NAB1: variants seen among roughly 807,000 people sequenced by gnomAD.
The protein encoded by NAB1 is NGFI-A-binding protein 1.
In NAB1, 25 loss-of-function variants were observed where a neutral mutation model predicts 49.9. That is an observed-to-expected ratio of 0.50 (90% CI 0.37 to 0.70). The LOEUF is 0.70. Ranked by LOEUF, NAB1 falls within the 30% of genes least tolerant of loss-of-function variation. The pLI is 0.00. For missense variants in NAB1, 489 were observed against 575.9 expected (o/e 0.85, Z 1.54); for synonymous variants, 198 against 215.6 (o/e 0.92, Z 0.71).
Position 190,679,076 on chromosome 2 carries a change from CTG to C in NAB1, c.1006-4659_1006-4658del, listed in dbSNP as rs937269486. On this transcript the variant is annotated intron_variant, in intron 6 of 9. Coordinates refer to ENST00000337386, the MANE Select transcript of NAB1 (RefSeq NM_005966.4). This position sits in a 1 kb window ranked among gnomAD's most constrained non-coding sequence, Gnocchi z 5.3. ...CCAGAGTCTCGTCAGCAAGGAAACA[CTG>C]TGATTAATGGCATCAGCCAAAAATA... Among the ~76,000 whole-genome samples, 2 of 152,232 alleles carry C rather than the reference CTG, an allele frequency of 1.3e-5. No homozygotes were observed. Among genetic ancestry groups the C allele is most frequent in the Non-Finnish European group, 2.9e-5 (2 of 68,040 alleles).
At chr2:190,688,412 T>G (rs1695728820) in intron 9 of NAB1, among the ~76,000 whole-genome samples, 1 of 152,242 alleles carries the variant, frequency 6.6e-6, no homozygotes, top group African/African-American at 2.4e-5. Flanking sequence ...GTACTGTGAC[T>G]TTAAAGCATG....
At chr2:190,688,591 T>G (rs1024935737) in intron 9 of NAB1, among the ~76,000 whole-genome samples, 2 of 152,214 alleles carry the variant, frequency 1.3e-5, no homozygotes, top group African/African-American at 4.8e-5. Flanking sequence ...CCAATTTATA[T>G]TCCTTAGAAG....
chr2:190,672,010 G>A lies in NAB1; in HGVS notation c.954-1091G>A, dbSNP rs1694839358. ...AGGATGGTCTCGATCTCTTGACCTT[G>A]TAATCCACCCACCTTGGCCTCCCAA... is the stretch of plus-strand genomic sequence containing the variant. On this transcript the variant is annotated intron_variant, in intron 5 of 9. Coordinates refer to ENST00000337386, the MANE Select transcript of NAB1 (RefSeq NM_005966.4). Among the ~76,000 whole-genome samples, 9 of 152,112 alleles carry A rather than the reference G, an allele frequency of 5.9e-5. No individual in the cohort carries two copies. In the South Asian group the frequency reaches 1.9e-3, roughly 32 times the overall value.
rs1695594332 is a variant in NAB1 at position 190,686,126 on chromosome 2, A to G, written c.1258+488A>G. Among the ~76,000 whole-genome samples the G allele has an allele frequency of 6.6e-6, 1 of 152,236 alleles. No homozygotes were observed. Among genetic ancestry groups the G allele is most frequent in the South Asian group, 2.1e-4 (1 of 4,836 alleles). ...GATTCGTGAGTGTTTTTACCATTCT[A>G]AAAAGTACTTCATTCTTTTCACATC... On this transcript the variant is annotated intron_variant, in intron 8 of 9. Transcript: ENST00000337386. The surrounding 1 kb of genome is among the most constrained non-coding windows in gnomAD (Gnocchi z 5.5).
intron 2 of NAB1, among the ~76,000 whole-genome samples, chr2:190,653,217 A>C (rs1305844918): frequency 6.6e-6 from 1 of 152,192 alleles, no homozygotes; most frequent in African/African-American, 2.4e-5. Flanking sequence ...GGAATACTTC[A>C]GAGGCTCTAA....
In NAB1 at chr2:190,690,575, A is replaced by G. The variant is rs1695902486; in HGVS notation, c.*242A>G. On this transcript the variant is annotated 3_prime_UTR_variant, in exon 10 of 10. Transcript: ENST00000337386. ...ATTGATTCATTCACATTCCTGTGTT[A>G]AGTCATTTTATATGGAAAGGCTTAC... is the stretch of plus-strand genomic sequence containing the variant. The G allele has an allele frequency of 2.6e-6, 1 of 378,882 alleles. No homozygotes were observed. The highest frequency in any genetic ancestry group is 4.0e-5 in the East Asian group (1 of 25,236). The allele number at this position is 378,882 out of a possible 1,614,324, so 23.5% of individuals were successfully genotyped here.
At chr2:190,661,397 G>A (rs1694218449) in intron 4 of NAB1, among the ~76,000 whole-genome samples, 1 of 152,172 alleles carries the variant, frequency 6.6e-6, no homozygotes, top group Non-Finnish European at 1.5e-5. Flanking sequence ...GCTGTCATTA[G>A]TAGAAAAACA....
chr2:190,663,946 TACATTGAGGGCAAGAGA>T lies in NAB1; in HGVS notation c.819+3956_819+3972del, dbSNP rs1694357688. On this transcript the variant is annotated intron_variant, in intron 4 of 9. Coordinates refer to ENST00000337386, the MANE Select transcript of NAB1 (RefSeq NM_005966.4). This position sits in a 1 kb window ranked among gnomAD's most constrained non-coding sequence, Gnocchi z 4.2. ...TTTTCCTAATGATTTCTGACTTAAT[TACATTGAGGGCAAGAGA>T]ACATGGTTTGTGTGATGCCAACCCT... Among the ~76,000 whole-genome samples, 3 of 152,230 alleles carry T rather than the reference TACATTGAGGGCAAGAGA, an allele frequency of 2.0e-5. No individual in the cohort carries two copies. The highest frequency in any genetic ancestry group is 2.9e-5 in the Non-Finnish European group (2 of 68,042).
At position 190,663,520 on chromosome 2, in the gene NAB1, G is replaced by A. The variant is rs1694330890; in HGVS notation, c.819+3525G>A. On this transcript the variant is annotated intron_variant, in intron 4 of 9. Coordinates refer to ENST00000337386, the MANE Select transcript of NAB1 (RefSeq NM_005966.4). This position sits in a 1 kb window ranked among gnomAD's most constrained non-coding sequence, Gnocchi z 4.2. ...CTACAATGGTGAGTTAAGTAGTTGT[G>A]ACACAGGCTGTTTGGCCCGTAAAGC... Among the ~76,000 whole-genome samples, 1 of 152,126 alleles carries A rather than the reference G, an allele frequency of 6.6e-6. No individual in the cohort carries two copies. The highest frequency in any genetic ancestry group is 2.4e-5 in the African/African-American group (1 of 41,426).
chr2:190,681,818 C>T (rs906856833), intron 6 of NAB1, among the ~76,000 whole-genome samples: 1 of 152,042 alleles, frequency 6.6e-6, no homozygotes, highest in African/African-American at 2.4e-5. Flanking sequence ...ATTTTTGAAC[C>T]ACTATCTTAT....
In NAB1 at chr2:190,651,325, A is replaced by C. The variant is rs1305312954; in HGVS notation, c.-197+1343A>C. Among the ~76,000 whole-genome samples, 2 of 152,232 alleles carry C rather than the reference A, an allele frequency of 1.3e-5. No individual in the cohort carries two copies. The highest frequency in any genetic ancestry group is 4.8e-5 in the African/African-American group (2 of 41,456). On this transcript the variant is annotated intron_variant, in intron 2 of 9. Transcript: ENST00000337386. The surrounding 1 kb of genome is among the most constrained non-coding windows in gnomAD (Gnocchi z 4.3). ...AATAACATCCACTGTCGTATGAGAAAGTTAATAGATGTTTATTCTCCTTGT... is the reference window on the plus strand; with the variant it reads ...AATAACATCCACTGTCGTATGAGAACGTTAATAGATGTTTATTCTCCTTGT...
chr2:190,654,317 A>G lies in NAB1; in HGVS notation c.-196-1660A>G, dbSNP rs536847347. 5.9e-5 allele frequency among the ~76,000 whole-genome samples: 9 copies of G among 152,290 alleles called. No individual in the cohort carries two copies. Among genetic ancestry groups the G allele is most frequent in the South Asian group, 2.1e-4 (1 of 4,826 alleles). On this transcript the variant is annotated intron_variant, in intron 2 of 9. Coordinates refer to ENST00000337386, the MANE Select transcript of NAB1 (RefSeq NM_005966.4). The surrounding 1 kb of genome is among the most constrained non-coding windows in gnomAD (Gnocchi z 5.6). The stretch of plus-strand genomic sequence containing the variant: ...TCTCCTTGCTCTTAACTGACTCTCC[A>G]TGAAGGACTGTCTTTCCTCTGTTCC...
intron 6 of NAB1, 161 bp downstream of exon 6, chr2:190,673,313 A>G: frequency 1.4e-6 from 1 of 695,546 alleles, no homozygotes; most frequent in Non-Finnish European, 2.4e-6. Context: ...TTACCTTGAA[A>G]TACAATATTT....
chr2:190,661,846 A>G (rs986059286), intron 4 of NAB1, among the ~76,000 whole-genome samples: 2 of 152,230 alleles, frequency 1.3e-5, no homozygotes, highest in African/African-American at 4.8e-5. Flanking sequence ...CCAATAATAT[A>G]GTTTAGGATA....
Position 190,670,307 on chromosome 2 carries a change from C to G in NAB1, c.820-19C>G. ...AATTAAAATGTTCTTAATTTTGAAA[C>G]TCTGTTTTGGATATCCAGCTCACTG... On this transcript the variant is annotated intron_variant, in intron 4 of 9. Transcript: ENST00000337386. This position sits in a 1 kb window ranked among gnomAD's most constrained non-coding sequence, Gnocchi z 5.3. 2 of 1,578,466 alleles carry G rather than the reference C, an allele frequency of 1.3e-6. No individual in the cohort carries two copies. Among genetic ancestry groups the G allele is most frequent in the Non-Finnish European group, 1.7e-6 (2 of 1,166,852 alleles).
In NAB1 at chr2:190,685,423, T is replaced by TA; in HGVS notation, c.1096-47dup. Reference sequence around the variant, plus strand: ...TCTGAAATTGGCATCTTTAAACCATTAAAAAATCTAGAATGTTTCAGTTAC... The same window carrying TA: ...TCTGAAATTGGCATCTTTAAACCATTAAAAAAATCTAGAATGTTTCAGTTAC... On this transcript the variant is annotated intron_variant, in intron 7 of 9. Coordinates refer to ENST00000337386, the MANE Select transcript of NAB1 (RefSeq NM_005966.4). This position sits in a 1 kb window ranked among gnomAD's most constrained non-coding sequence, Gnocchi z 4.5. 6.7e-7 allele frequency: 1 copy of TA among 1,496,290 alleles called. No individual in the cohort carries two copies. Among genetic ancestry groups the TA allele is most frequent in the African/African-American group, 1.4e-5 (1 of 71,564 alleles). The allele number at this position is 1,496,290 out of a possible 1,614,324, so 92.7% of individuals were successfully genotyped here.
chr2:190,655,691 C>A (rs1363937130), intron 2 of NAB1, among the ~76,000 whole-genome samples: 2 of 152,104 alleles, frequency 1.3e-5, no homozygotes, highest in African/African-American at 4.8e-5. Flanking sequence ...ATCAAAAAAT[C>A]CTCACATCCC....
In NAB1 at chr2:190,691,514, G is replaced by C. The variant is rs889339508; in HGVS notation, c.*1181G>C. ...ATTTTAACTTGACAGTATGTTTTTA[G>C]TTCCCCCAATTTAATTAATGGACCA... On this transcript the variant is annotated 3_prime_UTR_variant, in exon 10 of 10. Coordinates refer to ENST00000337386, the MANE Select transcript of NAB1 (RefSeq NM_005966.4). The surrounding 1 kb of genome is among the most constrained non-coding windows in gnomAD (Gnocchi z 4.1). The C allele has an allele frequency of 2.0e-5, 3 of 152,052 alleles. No homozygotes were observed. Among genetic ancestry groups the C allele is most frequent in the Admixed American group, 2.0e-4 (3 of 15,266 alleles). 9.4% of individuals were successfully genotyped at this position (152,052 alleles called of 1,614,324 possible).
chr2:190,690,043 C>CATATATGTATAGTATACATATATGTA (rs1574489946), intron 9 of NAB1, among the ~76,000 whole-genome samples: 1 of 5,500 alleles, frequency 1.8e-4, no homozygotes, highest in Non-Finnish European at 5.0e-4. Flanking sequence ...ATGTATACAT[C>CATATATGTATAGTATACATATATGTA]TAGTAATTGG....
Sources: gnomAD v4.1 joint callset for allele counts (sites outside exome capture counted in the v4.1 genomes callset) on GRCh38, gnomAD v4.1.1 for gene constraint, Gnocchi (gnomAD v3.1) non-coding constraint, MANE v1.5 for transcripts, NCBI Gene and HGNC (gene_info 2026-07-23, HGNC 2026-07-21) for gene names.